The following POLA1 variants were observed in gnomAD, a reference collection of about 807,000 sequenced individuals.
POLA1 encodes the protein DNA polymerase alpha 1, catalytic subunit, also known as DNA polymerase alpha catalytic subunit.
POLA1 carries 15 observed loss-of-function variants against 124.0 expected under a neutral mutation model. That is an observed-to-expected ratio of 0.12 (90% CI 0.08 to 0.19). The LOEUF (loss-of-function observed/expected upper bound fraction) is 0.19, where lower values mean the gene tolerates loss of function less well. POLA1 is among the 10% of genes least tolerant of loss of function. The pLI is 1.00. For missense variants in POLA1, 886 were observed against 1,103.4 expected, an observed-to-expected ratio of 0.80 and a Z score of 2.79; for synonymous variants, 408 against 389.4, an observed-to-expected ratio of 1.05 and a Z score of -0.56.
intron 29 of POLA1, among the ~76,000 whole-genome samples, chrX:24,813,645 C>A (rs1308007343): frequency 9.0e-6 from 1 of 111,221 alleles, no homozygotes; most frequent in Non-Finnish European, 1.9e-5. Flanking sequence ...GAAACCCCGT[C>A]TCTACTAAAA....
chrX:24,735,349 C>T (rs777289880), intron 17 of POLA1, 50 bp from the exon 18 acceptor site: 164 of 759,006 alleles, frequency 2.2e-4, no homozygotes, highest in Non-Finnish European at 3.1e-4. Context: ...AGATACAGTA[C>T]TTGCGGACAG....
chrX:24,753,207 A>C (rs1474061733), intron 26 of POLA1, among the ~76,000 whole-genome samples: 1 of 109,105 alleles, frequency 9.2e-6, no homozygotes, highest in Non-Finnish European at 1.9e-5. Context: ...TTTAGTAGAG[A>C]CGGGGTTTCA....
At chrX:24,965,836 T>G (rs1178262270) in intron 36 of POLA1, among the ~76,000 whole-genome samples, 2 of 112,048 alleles carry the variant, frequency 1.8e-5, no homozygotes, top group Non-Finnish European at 3.8e-5. Flanking sequence ...CTTGTATGTT[T>G]TTGCAGCTTT....
intron 26 of POLA1, among the ~76,000 whole-genome samples, chrX:24,758,632 C>A (rs942725178): frequency 2.7e-5 from 3 of 112,152 alleles, no homozygotes; most frequent in African/African-American, 9.7e-5. Context: ...GGCCATTTAG[C>A]CATCTTTTGT....
At chrX:24,905,413 TGGGGTGGG>T (rs1238752486) in intron 35 of POLA1, among the ~76,000 whole-genome samples, 5 of 697 alleles carry the variant, frequency 7.2e-3, no homozygotes, top group Non-Finnish European at 0.015. Flanking sequence ...CACAGATTGC[TGGGGTGGG>T]GGGGTGGGGG....
At chrX:24,924,118 C>G (rs2047658641) in intron 35 of POLA1, among the ~76,000 whole-genome samples, 1 of 111,940 alleles carries the variant, frequency 8.9e-6, no homozygotes, top group African/African-American at 3.2e-5. Context: ...GAACCTGTGG[C>G]TGGCATGGCA....
intron 34 of POLA1, among the ~76,000 whole-genome samples, chrX:24,855,778 A>G (rs1263532476): frequency 9.0e-6 from 1 of 111,264 alleles, no homozygotes; most frequent in East Asian, 2.8e-4. Flanking sequence ...GCAGTGTTCC[A>G]TGTATACCAA....
chrX:24,853,835 C>CA (rs2046601442), intron 34 of POLA1, among the ~76,000 whole-genome samples: 1 of 111,875 alleles, frequency 8.9e-6, no homozygotes, highest in Non-Finnish European at 1.9e-5. Context: ...GCTTGCAGCT[C>CA]AGACAGTTAC....
rs1226155991 is a variant in POLA1, at chrX:24,920,082, G to A, written c.4165-10371G>A. ...GGCTGGTCTCAAACTCCTGACCTCAGATGATCCTCCCGCCTTGGCCTCCCA... is the reference window on the plus strand; with the variant it reads ...GGCTGGTCTCAAACTCCTGACCTCAAATGATCCTCCCGCCTTGGCCTCCCA... On this transcript the variant is annotated intron_variant, in intron 35 of 36. Coordinates refer to ENST00000379068, the MANE Select transcript of POLA1 (RefSeq NM_001330360.2). 3.7e-5 allele frequency among the ~76,000 whole-genome samples: 4 copies of A among 109,022 alleles called. No individual in the cohort carries two copies. The East Asian group carries it at 1.1e-3, about 31-fold the overall frequency. The allele number at this position is 109,022 out of a possible 115,157, so 94.7% of individuals were successfully genotyped here.
intron 34 of POLA1, among the ~76,000 whole-genome samples, chrX:24,883,521 G>T (rs138336722): frequency 6.3e-4 from 71 of 112,058 alleles, no homozygotes; most frequent in East Asian, 4.4e-3. Context: ...TTTAGTTGAG[G>T]CCTCAAAAAT....
intron 36 of POLA1, among the ~76,000 whole-genome samples, chrX:24,972,544 G>A (rs935401165): frequency 9.0e-6 from 1 of 111,697 alleles, no homozygotes; most frequent in Non-Finnish European, 1.9e-5. Flanking sequence ...CTAGCAACCT[G>A]AACTGAGAAA....
intron 36 of POLA1, among the ~76,000 whole-genome samples, chrX:24,962,873 T>C (rs1014006564): frequency 8.9e-6 from 1 of 112,146 alleles, no homozygotes; most frequent in African/African-American, 3.2e-5. Flanking sequence ...AAGCTATTAA[T>C]AGTTTTAATT....
chrX:24,758,985 C>T (rs959934259), intron 26 of POLA1, among the ~76,000 whole-genome samples: 1 of 111,943 alleles, frequency 8.9e-6, no homozygotes, highest in Non-Finnish European at 1.9e-5. Context: ...TTTGAGTGGT[C>T]ACCACATCTT....
intron 36 of POLA1, among the ~76,000 whole-genome samples, chrX:24,973,288 C>G (rs2048325465): frequency 9.0e-6 from 1 of 110,807 alleles, no homozygotes; most frequent in Non-Finnish European, 1.9e-5. Context: ...GAACTTGAAC[C>G]CAGGAGGCGG....
At chrX:24,769,183 T>C (rs746486509) in intron 26 of POLA1, among the ~76,000 whole-genome samples, 2 of 111,858 alleles carry the variant, frequency 1.8e-5, no homozygotes, top group Admixed American at 9.5e-5. Context: ...TTCATAATCA[T>C]GTCAGGTGAT....
intron 12 of POLA1, among the ~76,000 whole-genome samples, chrX:24,725,325 G>C (rs1291088499): frequency 9.3e-6 from 1 of 107,237 alleles, no homozygotes; most frequent in Non-Finnish European, 1.9e-5. Flanking sequence ...CTCCTGAGTA[G>C]CTGGGATTAC....
intron 34 of POLA1, among the ~76,000 whole-genome samples, chrX:24,864,353 G>C (rs2046762354): frequency 8.9e-6 from 1 of 111,911 alleles, no homozygotes; most frequent in African/African-American, 3.2e-5. Flanking sequence ...AAATGAATTT[G>C]AGCAAATTTT....
chrX:24,855,677 T>C (rs964973637), intron 34 of POLA1, among the ~76,000 whole-genome samples: 2 of 111,686 alleles, frequency 1.8e-5, no homozygotes, highest in African/African-American at 6.5e-5. Context: ...ATTTCGTCCT[T>C]CCAGTGGGTC....
chrX:24,718,850 G>A (rs1322711344), intron 10 of POLA1, among the ~76,000 whole-genome samples: 6 of 111,793 alleles, frequency 5.4e-5, no homozygotes, highest in Non-Finnish European at 1.1e-4. Context: ...CATTTGACAT[G>A]TCTTTTGACA....
Sources: allele counts gnomAD v4.1 joint callset (sites outside exome capture counted in the v4.1 genomes callset), GRCh38; gene constraint gnomAD v4.1.1; transcripts MANE v1.5; gene names NCBI Gene and HGNC (gene_info 2026-07-23, HGNC 2026-07-21).